The following RTEL1 variants were observed in gnomAD, a reference collection of about 807,000 sequenced individuals.
The protein encoded by RTEL1 is regulator of telomere elongation helicase 1, also known as regulator of telomere length.
In RTEL1, 86 loss-of-function variants were observed where a neutral mutation model predicts 162.2. The observed-to-expected ratio is 0.53, with a 90% CI of 0.45 to 0.63. The LOEUF is 0.63. RTEL1 is among the 30% of genes least tolerant of loss of function. The pLI, the probability that RTEL1 is intolerant of heterozygous loss-of-function variation, is 0.00. For missense variants in RTEL1, 1,941 were observed against 1,750.2 expected, an observed-to-expected ratio of 1.11 and a Z score of -1.95; for synonymous variants, 958 against 717.9, an observed-to-expected ratio of 1.33 and a Z score of -5.35.
chr20:63,661,345 G>A lies in RTEL1; in HGVS notation c.150G>A (p.Leu50=). Residue 50 remains leucine, a synonymous_variant, in exon 3 of 35, where the codon CTG becomes CTA. Transcript: ENST00000360203. This position sits in a 1 kb window ranked among gnomAD's most constrained non-coding sequence, Gnocchi z 5.1. ...GCCCTACGGGTACAGGGAAGACGCT[G>A]TGCCTGCTGTGCACCACGCTGGCCT... ...LESPTGTGKT[L]CLLCTTLAWR... 2.5e-6 allele frequency: 4 copies of A among 1,613,218 alleles called. No homozygotes were observed. The highest frequency in any genetic ancestry group is 1.1e-5 in the South Asian group (1 of 91,044).
intron 10 of RTEL1, among the ~76,000 whole-genome samples, chr20:63,677,162 A>C (rs1462413316): frequency 6.6e-6 from 1 of 152,202 alleles, no homozygotes; most frequent in African/African-American, 2.4e-5. Context: ...GAATCAGCCA[A>C]GTCTCCAAGA....
At chr20:63,674,202 C>T (rs2090304204) in intron 10 of RTEL1, 109 bp downstream of exon 10, 4 of 1,486,098 alleles carry the variant, frequency 2.7e-6, no homozygotes, top group East Asian at 4.8e-5. Flanking sequence ...CATAGCCAGG[C>T]TGCTTGGTCC....
intron 14 of RTEL1, chr20:63,682,021 C>G: frequency 1.0e-6 from 1 of 985,460 alleles, no homozygotes; most frequent in Non-Finnish European, 1.2e-6. Flanking sequence ...TGCAAAGCAC[C>G]TCCAGCACAT....
intron 9 of RTEL1, 148 bp from the exon 10 acceptor site, chr20:63,673,792 A>T (rs1341983070): frequency 2.5e-6 from 2 of 808,638 alleles, no homozygotes; most frequent in Non-Finnish European, 4.0e-6. Flanking sequence ...GTTTGGACCT[A>T]CTTGTGGCCT....
At position 63,685,842 on chromosome 20, in the gene RTEL1, G is replaced by T. The variant is rs2090580575; in HGVS notation, c.1318G>T (p.Ala440Ser). The T allele has an allele frequency of 3.1e-6, 5 of 1,612,664 alleles. No individual in the cohort carries two copies. Among genetic ancestry groups the T allele is most frequent in the Non-Finnish European group, 4.2e-6 (5 of 1,179,916 alleles). ...GHRRTAQRSD[A>S]WSTTAARKRG... is the part of the protein sequence containing the mutation. ...CCGGAGGACGGCTCAGCGGTCTGAT[G>T]CCTGGAGCACCACTGCAGCCAGAAA... Residue 440 changes from alanine (A) to serine (S), a missense_variant, in exon 16 of 35, where the codon GCC becomes TCC. Physicochemically the swap from Ala to Ser is moderately conservative, Grantham distance 99. Coordinates refer to ENST00000360203, the MANE Select transcript of RTEL1 (RefSeq NM_001283009.2).
At chr20:63,690,495 T>TGG in intron 26 of RTEL1, 54 bp downstream of exon 26, 4 of 594,912 alleles carry the variant, frequency 6.7e-6, no homozygotes, top group Non-Finnish European at 1.1e-5. Flanking sequence ...GCGGGCGGCG[T>TGG]GGGGCGGGCA....
At chr20:63,663,584 C>T (rs999601828) in intron 6 of RTEL1, among the ~76,000 whole-genome samples, 6 of 151,896 alleles carry the variant, frequency 4.0e-5, no homozygotes, top group South Asian at 2.1e-4. Context: ...GGGCTCATCA[C>T]GGGGTCCTAG....
intron 6 of RTEL1, chr20:63,663,120 G>A (rs1270614313): frequency 1.7e-6 from 1 of 589,402 alleles, no homozygotes; most frequent in Non-Finnish European, 3.0e-6. Context: ...GCTGGTGCCT[G>A]GGGCCTTGGA....
At chr20:63,692,546 GCCAATCTACC>G in intron 28 of RTEL1, 1 of 550,716 alleles carries the variant, frequency 1.8e-6, no homozygotes, top group South Asian at 2.2e-5. Context: ...TTGAGGCAGA[GCCAATCTACC>G]CTTTGCCCAT....
At position 63,693,214 on chromosome 20, in the gene RTEL1, G is replaced by C. The variant is rs754293748; in HGVS notation, c.2923G>C (p.Gly975Arg). ...EEVCIQLTGR[G>R]CGYRPEHSIP... is the part of the protein sequence containing the mutation. ...GGTCTGTATCCAGCTGACAGGACGAGGCTGTGGCTATCGGCCTGAGCACAG... is the reference window on the plus strand; with the variant it reads ...GGTCTGTATCCAGCTGACAGGACGACGCTGTGGCTATCGGCCTGAGCACAG... The change falls in exon 30 of 35, where the codon GGC becomes CGC. Residue 975 changes from glycine (G) to arginine (R), a missense_variant. By Grantham distance (125) the Gly-to-Arg change is moderately radical. Coordinates refer to ENST00000360203, the MANE Select transcript of RTEL1 (RefSeq NM_001283009.2). The C allele has an allele frequency of 6.2e-6, 10 of 1,612,026 alleles. No homozygotes were observed. The highest frequency in any genetic ancestry group is 1.3e-5 in the African/African-American group (1 of 74,834).
intron 13 of RTEL1, 26 bp from the exon 14 acceptor site, chr20:63,680,638 G>T (rs1569097557): frequency 3.1e-6 from 5 of 1,612,120 alleles, no homozygotes; most frequent in Non-Finnish European, 2.5e-6. Context: ...CTGCAGTGTG[G>T]GTGTCAGCGC....
intron 27 of RTEL1, among the ~76,000 whole-genome samples, chr20:63,691,181 T>C (rs2090732286): frequency 6.6e-6 from 1 of 151,836 alleles, no homozygotes; most frequent in Non-Finnish European, 1.5e-5. Context: ...CCTCCGCGGG[T>C]GCCCCCCACA....
chr20:63,662,640 G>T lies in RTEL1; in HGVS notation c.477+13G>T, dbSNP rs764646296. 6.2e-7 allele frequency: 1 copy of T among 1,613,266 alleles called. No individual in the cohort carries two copies. Among genetic ancestry groups the T allele is most frequent in the South Asian group, 1.1e-5 (1 of 91,024 alleles). On this transcript the variant is annotated intron_variant, in intron 5 of 34. Transcript: ENST00000360203. ...TAACCATCTACAGGTAGGCTCCTGG[G>T]CTCCCGCTCCGGCTCAGTGTCCGAC...
intron 14 of RTEL1, among the ~76,000 whole-genome samples, chr20:63,683,118 C>T (rs540082355): frequency 1.4e-4 from 21 of 152,306 alleles, no homozygotes; most frequent in African/African-American, 2.9e-4. Flanking sequence ...TGTGCACCAC[C>T]GCACTCAGCT....
intron 10 of RTEL1, among the ~76,000 whole-genome samples, chr20:63,677,199 G>A (rs897436239): frequency 6.6e-6 from 1 of 152,202 alleles, no homozygotes; most frequent in Non-Finnish European, 1.5e-5. Flanking sequence ...CCTGCAAGAC[G>A]GTATTTCAAG....
At chr20:63,670,807 A>AC (rs1416263667) in intron 8 of RTEL1, among the ~76,000 whole-genome samples, 1 of 133,668 alleles carries the variant, frequency 7.5e-6, no homozygotes, top group Non-Finnish European at 1.6e-5. Flanking sequence ...ACATAGGGAG[A>AC]CCCCATCTCA....
Position 63,695,782 on chromosome 20 carries a change from C to T in RTEL1, c.3827C>T (p.Ser1276Phe). Residue 1276 changes from serine (S) to phenylalanine (F), a missense_variant, in exon 35 of 35, where the codon TCT becomes TTT. Coordinates refer to ENST00000360203, the MANE Select transcript of RTEL1 (RefSeq NM_001283009.2). ...AGTGGGCCGGTTGTCTCACAGGCCT[C>T]TAGGATGTGCCCAGCCTGCCACACC... ...QACWQRHLQA[S>F]RMCPACHTAS... is the part of the protein sequence containing the mutation. 1.3e-6 allele frequency: 2 copies of T among 1,591,946 alleles called. No homozygotes were observed. Among genetic ancestry groups the T allele is most frequent in the Non-Finnish European group, 1.7e-6 (2 of 1,170,150 alleles).
rs369714122 is a variant in RTEL1 at position 63,687,688 on chromosome 20, C to G, written c.1399C>G (p.Leu467Val). 6.3e-5 allele frequency: 102 copies of G among 1,608,602 alleles called. No homozygotes were observed. The highest frequency in any genetic ancestry group is 7.5e-5 in the Non-Finnish European group (89 of 1,179,148). ...CAGTCCCGGCCACAGCATGCACGAG[C>G]TGGTCCGCCAGGGCGTCCGCTCCCT... Reference protein sequence around the residue: ...CFSPGHSMHELVRQGVRSLIL... With the variant: ...CFSPGHSMHEVVRQGVRSLIL... Residue 467 changes from leucine (L) to valine (V), a missense_variant, in exon 17 of 35, where the codon CTG becomes GTG. By Grantham distance (32) the Leu-to-Val change is conservative (BLOSUM62 1). Coordinates refer to ENST00000360203, the MANE Select transcript of RTEL1 (RefSeq NM_001283009.2).
intron 8 of RTEL1, 42 bp downstream of exon 8, chr20:63,667,595 G>C: frequency 6.7e-7 from 1 of 1,494,714 alleles, no homozygotes; most frequent in Non-Finnish European, 9.3e-7. Context: ...TGATGTCCAG[G>C]GGTGTCCCTG....
Sources: gnomAD v4.1 joint callset for allele counts (sites outside exome capture counted in the v4.1 genomes callset) on GRCh38, gnomAD v4.1.1 for gene constraint, Gnocchi (gnomAD v3.1) non-coding constraint, MANE v1.5 for transcripts, NCBI Gene and HGNC (gene_info 2026-07-23, HGNC 2026-07-21) for gene names.